Variants in SMYD3 observed in about 807,000 individuals in gnomAD.
SMYD3 encodes the protein SET and MYND domain containing 3.
A neutral mutation model predicts 57.7 loss-of-function variants in SMYD3; 36 were observed. The observed-to-expected ratio is 0.62, with a 90% CI of 0.48 to 0.82. The LOEUF (loss-of-function observed/expected upper bound fraction) is 0.82, where lower values mean the gene tolerates loss of function less well. Ranked by LOEUF, SMYD3 falls within the 40% of genes least tolerant of loss-of-function variation. The probability of loss-of-function intolerance (pLI) is 0.00; values close to 1 mark genes in which losing one functional copy is unlikely to be tolerated. For missense variants in SMYD3, 515 were observed against 538.8 expected, an observed-to-expected ratio of 0.96 and a Z score of 0.44; for synonymous variants, 211 against 195.0, an observed-to-expected ratio of 1.08 and a Z score of -0.68.
Position 246,245,120 on chromosome 1 carries a change from C to CTTTTTTTTTT in SMYD3, c.531+82071_531+82080dup, listed in dbSNP as rs74163421. Among the ~76,000 whole-genome samples, 188 of 122,886 alleles carry CTTTTTTTTTT rather than the reference C, an allele frequency of 1.5e-3. 4 individuals carry two copies. The highest frequency in any genetic ancestry group is 5.3e-3 in the African/African-American group (172 of 32,576). 80.6% of individuals were successfully genotyped at this position (122,886 alleles called of 152,430 possible). A position where few individuals can be genotyped will look rare whatever the true frequency, so the allele number is the denominator to read the frequency against. Reference sequence around the variant, plus strand: ...CCTAAAAGAATTCAGCAGCTACTGCCTTTTTTTTTTTTTTTTTTTTTAGTT... The same window carrying CTTTTTTTTTT: ...CCTAAAAGAATTCAGCAGCTACTGCCTTTTTTTTTTTTTTTTTTTTTTTTTTTTTTTAGTT... On this transcript the variant is annotated intron_variant, in intron 5 of 11. Coordinates refer to ENST00000490107, the MANE Select transcript of SMYD3 (RefSeq NM_001167740.2).
chr1:245,893,450 AAAC>A (rs1169449403), intron 8 of SMYD3, among the ~76,000 whole-genome samples: 1 of 152,368 alleles, frequency 6.6e-6, no homozygotes, highest in Non-Finnish European at 1.5e-5. Flanking sequence ...CAAAACTAGA[AAAC>A]AACTCAAATA....
chr1:246,201,440 C>T (rs1434942960), intron 5 of SMYD3, among the ~76,000 whole-genome samples: 1 of 152,178 alleles, frequency 6.6e-6, no homozygotes, highest in Non-Finnish European at 1.5e-5. Context: ...ATTTGGGTCA[C>T]TATATCTGTA....
chr1:246,106,226 A>G (rs1020084812), intron 5 of SMYD3, among the ~76,000 whole-genome samples: 42 of 152,204 alleles, frequency 2.8e-4, no homozygotes, highest in Admixed American at 2.4e-3. Context: ...ATTACATTGT[A>G]GACATCCTTT....
intron 5 of SMYD3, among the ~76,000 whole-genome samples, chr1:246,165,388 G>A (rs1352821776): frequency 6.6e-6 from 1 of 152,080 alleles, no homozygotes; most frequent in East Asian, 1.9e-4. Flanking sequence ...AGGAAGACAG[G>A]CACATTTAAA....
chr1:246,052,380 C>T (rs926510856), intron 5 of SMYD3, among the ~76,000 whole-genome samples: 10 of 151,926 alleles, frequency 6.6e-5, no homozygotes, highest in African/African-American at 2.2e-4. Context: ...GCTGATAGTA[C>T]AAGATGTACT....
chr1:246,482,667 G>C (rs1030016699), intron 1 of SMYD3, among the ~76,000 whole-genome samples: 1 of 152,190 alleles, frequency 6.6e-6, no homozygotes, highest in Non-Finnish European at 1.5e-5. Context: ...TTCTAAAGAA[G>C]GGCCAGCCCC....
At chr1:245,867,258 T>A (rs2051907656) in intron 8 of SMYD3, among the ~76,000 whole-genome samples, 1 of 152,242 alleles carries the variant, frequency 6.6e-6, no homozygotes, top group Non-Finnish European at 1.5e-5. Context: ...ACCAGTCCCC[T>A]GGAGTTTCCA....
At chr1:246,148,133 GT>G (rs1267855905) in intron 5 of SMYD3, among the ~76,000 whole-genome samples, 1 of 152,192 alleles carries the variant, frequency 6.6e-6, no homozygotes, top group Non-Finnish European at 1.5e-5. Context: ...CGGGACCGGA[GT>G]GGGGACTTGT....
intron 11 of SMYD3, 50 bp downstream of exon 11, chr1:245,763,991 C>T (rs377703905): frequency 6.1e-5 from 86 of 1,402,182 alleles, no homozygotes; most frequent in Non-Finnish European, 1.3e-5. Flanking sequence ...CCAGCAACAG[C>T]AGAAAAAAAG....
At chr1:245,889,489 T>C (rs10754481) in intron 8 of SMYD3, among the ~76,000 whole-genome samples, 151,893 of 152,280 alleles carry the variant, frequency 1, 75,758 homozygotes, top group Middle Eastern at 1. Flanking sequence ...ACTGAAGAGG[T>C]CTGTTTTCAG....
chr1:246,071,772 C>T (rs11587328), intron 5 of SMYD3, among the ~76,000 whole-genome samples: 2 of 143,330 alleles, frequency 1.4e-5, no homozygotes, highest in Non-Finnish European at 3.1e-5. Context: ...TGCTCACTGT[C>T]GCTGCATCCT....
intron 5 of SMYD3, among the ~76,000 whole-genome samples, chr1:246,266,869 C>A (rs2064120128): frequency 6.6e-6 from 1 of 151,852 alleles, no homozygotes; most frequent in African/African-American, 2.4e-5. Context: ...TCGAGTAAAA[C>A]CTCAGAAAAG....
intron 5 of SMYD3, among the ~76,000 whole-genome samples, chr1:246,251,570 G>T (rs71533465): frequency 0.011 from 489 of 43,004 alleles, 25 homozygotes; most frequent in East Asian, 0.024. Context: ...AGTAGGTGCC[G>T]CGGACACTGT....
chr1:246,430,817 G>C (rs1219354815), intron 1 of SMYD3, among the ~76,000 whole-genome samples: 1 of 152,178 alleles, frequency 6.6e-6, no homozygotes, highest in African/African-American at 2.4e-5. Context: ...GAAATTACCT[G>C]AGGAACGTCA....
chr1:245,936,509 C>G (rs548419737), intron 5 of SMYD3, among the ~76,000 whole-genome samples: 1 of 152,150 alleles, frequency 6.6e-6, no homozygotes, highest in East Asian at 1.9e-4. Context: ...CAGCTGGTTT[C>G]TTAAAGAGTT....
At chr1:246,446,259 T>C (rs1366735323) in intron 1 of SMYD3, among the ~76,000 whole-genome samples, 1 of 152,140 alleles carries the variant, frequency 6.6e-6, no homozygotes, top group Non-Finnish European at 1.5e-5. Context: ...TCACTACATG[T>C]AGCAAATAAC....
chr1:246,036,705 C>T (rs1572924958), intron 5 of SMYD3, among the ~76,000 whole-genome samples: 1 of 146,658 alleles, frequency 6.8e-6, no homozygotes, highest in South Asian at 2.2e-4. Context: ...AGGCGCCTGC[C>T]ACTAAGCCCG....
chr1:245,873,710 A>C (rs2052342621), intron 8 of SMYD3, among the ~76,000 whole-genome samples: 3 of 152,224 alleles, frequency 2.0e-5, no homozygotes, highest in African/African-American at 7.2e-5. Flanking sequence ...CAGTGTCCCG[A>C]AGGCGAAGGT....
intron 1 of SMYD3, among the ~76,000 whole-genome samples, chr1:246,485,241 C>G (rs768721328): frequency 4.1e-4 from 62 of 151,908 alleles, no homozygotes; most frequent in Non-Finnish European, 5.3e-4. Flanking sequence ...CACCTGAAAA[C>G]ACATCACTTC....
Sources: allele counts gnomAD v4.1 joint callset (sites outside exome capture counted in the v4.1 genomes callset), GRCh38; gene constraint gnomAD v4.1.1; transcripts MANE v1.5; gene names NCBI Gene and HGNC (gene_info 2026-07-23, HGNC 2026-07-21).